The following FRMD5 variants were observed in gnomAD, a reference collection of about 807,000 sequenced individuals.
The protein encoded by FRMD5 is FERM domain-containing protein 5.
FRMD5 carries 20 observed loss-of-function variants against 69.0 expected under a neutral mutation model. The observed-to-expected ratio is 0.29, with a 90% CI of 0.20 to 0.42. The LOEUF (loss-of-function observed/expected upper bound fraction) is 0.42. Ranked by LOEUF, FRMD5 falls within the 10% of genes least tolerant of loss-of-function variation. The pLI is 1.00. For missense variants in FRMD5, 595 were observed against 708.6 expected, an observed-to-expected ratio of 0.84 and a Z score of 1.82; for synonymous variants, 271 against 260.1, an observed-to-expected ratio of 1.04 and a Z score of -0.40.
chr15:44,013,163 AT>A (rs1890801045), intron 1 of FRMD5, among the ~76,000 whole-genome samples: 1 of 152,200 alleles, frequency 6.6e-6, no homozygotes, highest in African/African-American at 2.4e-5. Flanking sequence ...CTGAGGCAGG[AT>A]GACTGCTTGA....
intron 1 of FRMD5, among the ~76,000 whole-genome samples, chr15:44,032,837 A>AC (rs1891742394): frequency 6.6e-6 from 1 of 152,178 alleles, no homozygotes; most frequent in African/African-American, 2.4e-5. Context: ...CTACCATTGG[A>AC]CCCAGCAATC....
At chr15:44,162,799 A>G (rs2077639623) in intron 1 of FRMD5, among the ~76,000 whole-genome samples, 3 of 144,788 alleles carry the variant, frequency 2.1e-5, no homozygotes, top group African/African-American at 5.1e-5. Flanking sequence ...CCTGGGAGGC[A>G]GAGGTTGCGG....
At chr15:43,980,412 T>C (rs1430809276) in intron 1 of FRMD5, among the ~76,000 whole-genome samples, 1 of 152,202 alleles carries the variant, frequency 6.6e-6, no homozygotes, top group Non-Finnish European at 1.5e-5. Flanking sequence ...TAACACAATA[T>C]CCTCCATTAA....
At chr15:43,882,576 C>G (rs1418059530) in intron 13 of FRMD5, among the ~76,000 whole-genome samples, 1 of 152,080 alleles carries the variant, frequency 6.6e-6, no homozygotes, top group East Asian at 1.9e-4. Flanking sequence ...CCAGGCTGGT[C>G]TCAAACTACT....
upstream of FRMD5, among the ~76,000 whole-genome samples, chr15:44,196,343 A>C (rs1429977773): frequency 1.3e-5 from 2 of 152,018 alleles, no homozygotes; most frequent in Non-Finnish European, 2.9e-5. Context: ...ACGCACCTGT[A>C]ATCCCAGCTA....
At chr15:43,967,227 A>G (rs1207084736) in intron 1 of FRMD5, among the ~76,000 whole-genome samples, 1 of 139,578 alleles carries the variant, frequency 7.2e-6, no homozygotes, top group Non-Finnish European at 1.5e-5. Context: ...ATAAATATAT[A>G]AACATATATA....
intron 5 of FRMD5, among the ~76,000 whole-genome samples, chr15:43,906,843 C>T (rs556317952): frequency 1.1e-4 from 17 of 151,596 alleles, no homozygotes; most frequent in Admixed American, 2.0e-4. Context: ...CCTCGTGATC[C>T]GCCCGCCTTG....
chr15:44,002,887 C>T (rs780091163), intron 1 of FRMD5, among the ~76,000 whole-genome samples: 12 of 152,090 alleles, frequency 7.9e-5, no homozygotes, highest in Non-Finnish European at 1.3e-4. Flanking sequence ...CTAGTCTCCC[C>T]CCTTTCCATA....
intron 13 of FRMD5, among the ~76,000 whole-genome samples, chr15:43,877,628 C>T (rs1017781043): frequency 1.3e-5 from 2 of 152,228 alleles, no homozygotes; most frequent in Non-Finnish European, 2.9e-5. Context: ...CTCCCCATTG[C>T]GTCACGGCTC....
chr15:43,874,008 G>A lies in FRMD5; in HGVS notation c.1590C>T (p.Ala530=), dbSNP rs1252992475. Residue 530 remains alanine, a synonymous_variant, in exon 14 of 14, where the codon GCC becomes GCT. Coordinates refer to ENST00000417257, the MANE Select transcript of FRMD5 (RefSeq NM_032892.5). ...IILTESDLDI[A]FFRDIRQTPE... is the part of the protein sequence containing the mutation. ...GGGTCTGGCGGATATCACGGAAAAA[G>A]GCAATGTCAAGGTCAGACTCGGTAA... 2 of 1,614,234 alleles carry A rather than the reference G, an allele frequency of 1.2e-6. No homozygotes were observed. Among genetic ancestry groups the A allele is most frequent in the Non-Finnish European group, 8.5e-7 (1 of 1,180,038 alleles).
At chr15:43,928,651 G>C (rs2089625892) in intron 1 of FRMD5, among the ~76,000 whole-genome samples, 1 of 152,188 alleles carries the variant, frequency 6.6e-6, no homozygotes, top group African/African-American at 2.4e-5. Context: ...CCAGTCCTAA[G>C]TCCAGGGGTT....
At position 44,144,783 on chromosome 15, in the gene FRMD5, A is replaced by G. The variant is rs530345983; in HGVS notation, c.102+50170T>C. Among the ~76,000 whole-genome samples the G allele has an allele frequency of 6.6e-4, 100 of 152,342 alleles. 1 individual carries two copies. Among genetic ancestry groups the G allele is most frequent in the Middle Eastern group, 3.4e-3 (1 of 294 alleles). ...AAACAAAATTCTTCCAGAAGGGGGA[A>G]ACTGCAACGGAGTGAGTCAAGTCCT... On this transcript the variant is annotated intron_variant, in intron 1 of 13. Coordinates refer to ENST00000417257, the MANE Select transcript of FRMD5 (RefSeq NM_032892.5).
intron 1 of FRMD5, among the ~76,000 whole-genome samples, chr15:44,120,556 C>T (rs1240438039): frequency 1.3e-5 from 1 of 75,500 alleles, no homozygotes; most frequent in African/African-American, 4.6e-5. Flanking sequence ...TTTTTTGAGA[C>T]GGAGTCTCGC....
In FRMD5 at chr15:43,873,783, T is replaced by C; in HGVS notation, c.*102A>G. 1 of 1,540,790 alleles carries C rather than the reference T, an allele frequency of 6.5e-7. No individual in the cohort carries two copies. Among genetic ancestry groups the C allele is most frequent in the Non-Finnish European group, 8.7e-7 (1 of 1,146,056 alleles). ...GGACTTTGAGTCATGAGAGGAGGAC[T>C]TGGTATATGTGCCGATGGTTCCGCG... On this transcript the variant is annotated 3_prime_UTR_variant, in exon 14 of 14. Coordinates refer to ENST00000417257, the MANE Select transcript of FRMD5 (RefSeq NM_032892.5).
intron 1 of FRMD5, among the ~76,000 whole-genome samples, chr15:44,111,987 G>A (rs1156663873): frequency 6.6e-6 from 1 of 152,004 alleles, no homozygotes; most frequent in African/African-American, 2.4e-5. Flanking sequence ...GGGACTACAG[G>A]TGCCCGCCAC....
chr15:44,031,476 T>C (rs1444422947), intron 1 of FRMD5, among the ~76,000 whole-genome samples: 2 of 152,146 alleles, frequency 1.3e-5, no homozygotes, highest in African/African-American at 4.8e-5. Flanking sequence ...AAGGGCCCTC[T>C]TCTTGGTTCA....
chr15:44,147,488 T>C (rs2077375226), intron 1 of FRMD5, among the ~76,000 whole-genome samples: 1 of 152,182 alleles, frequency 6.6e-6, no homozygotes, highest in South Asian at 2.1e-4. Flanking sequence ...AATTTTAAAG[T>C]AGTTTTTCCT....
intron 1 of FRMD5, among the ~76,000 whole-genome samples, chr15:43,999,969 T>TATGCCATGC (rs1555392745): frequency 1.1e-3 from 16 of 14,806 alleles, no homozygotes; most frequent in East Asian, 8.1e-3. Context: ...TATATATATA[T>TATGCCATGC]ATATATATAT....
chr15:43,940,885 T>C (rs939925790), intron 1 of FRMD5, among the ~76,000 whole-genome samples: 1 of 152,144 alleles, frequency 6.6e-6, no homozygotes, highest in African/African-American at 2.4e-5. Flanking sequence ...GGTGAATGGG[T>C]CATTAATATT....
Sources: gnomAD v4.1 joint callset for allele counts (sites outside exome capture counted in the v4.1 genomes callset) on GRCh38, gnomAD v4.1.1 for gene constraint, MANE v1.5 for transcripts, NCBI Gene and HGNC (gene_info 2026-07-23, HGNC 2026-07-21) for gene names.